GRID2: variants seen among roughly 807,000 people sequenced by gnomAD.
The protein encoded by GRID2 is glutamate receptor ionotropic, delta-2.
In GRID2, 33 loss-of-function variants were observed where a neutral mutation model predicts 114.8. The observed-to-expected ratio is 0.29, with a 90% CI of 0.22 to 0.38. The LOEUF is 0.38. Ranked by LOEUF, GRID2 falls within the 10% of genes least tolerant of loss-of-function variation. The pLI is 1.00. For missense variants in GRID2, 1,184 were observed against 1,257.7 expected, an observed-to-expected ratio of 0.94 and a Z score of 0.89; for synonymous variants, 505 against 449.9, an observed-to-expected ratio of 1.12 and a Z score of -1.55.
intron 12 of GRID2, among the ~76,000 whole-genome samples, chr4:93,508,012 G>A (rs1467747226): frequency 6.6e-6 from 1 of 151,870 alleles, no homozygotes; most frequent in Non-Finnish European, 1.5e-5. Flanking sequence ...CTGCTGTGGG[G>A]TGGGGGAATT....
chr4:93,681,957 G>T (rs1725595659), intron 14 of GRID2, among the ~76,000 whole-genome samples: 1 of 151,120 alleles, frequency 6.6e-6, no homozygotes, highest in Non-Finnish European at 1.5e-5. Flanking sequence ...AAGAGCTTCT[G>T]CACAGCAAAA....
At chr4:93,364,525 G>T (rs574019475) in intron 8 of GRID2, among the ~76,000 whole-genome samples, 1 of 152,172 alleles carries the variant, frequency 6.6e-6, no homozygotes, top group South Asian at 2.1e-4. Flanking sequence ...AGAGTAGAGT[G>T]CAGTGGTGTA....
At chr4:93,095,789 T>G (rs952893815) in intron 3 of GRID2, among the ~76,000 whole-genome samples, 2 of 152,050 alleles carry the variant, frequency 1.3e-5, no homozygotes, top group African/African-American at 4.8e-5. Context: ...GTTCATGATT[T>G]TCAAATTTTA....
At chr4:92,332,718 G>C (rs1423099031) in intron 1 of GRID2, among the ~76,000 whole-genome samples, 1 of 152,108 alleles carries the variant, frequency 6.6e-6, no homozygotes, top group African/African-American at 2.4e-5. Flanking sequence ...ATAGGCATAG[G>C]GTAGACATTT....
intron 14 of GRID2, among the ~76,000 whole-genome samples, chr4:93,651,152 A>G (rs1722546110): frequency 6.6e-6 from 1 of 152,158 alleles, no homozygotes; most frequent in Admixed American, 6.5e-5. Flanking sequence ...GCCAATTCAT[A>G]TTCCCTTCAG....
At chr4:92,859,405 CTTT>C (rs1371564286) in intron 2 of GRID2, among the ~76,000 whole-genome samples, 7 of 152,110 alleles carry the variant, frequency 4.6e-5, no homozygotes, top group Non-Finnish European at 1.0e-4. Context: ...ATGTAATTCA[CTTT>C]ATTGTAATAT....
intron 11 of GRID2, among the ~76,000 whole-genome samples, chr4:93,463,925 C>A (rs1724014043): frequency 6.6e-6 from 1 of 151,966 alleles, no homozygotes; most frequent in African/African-American, 2.4e-5. Context: ...GGAGGTGGAG[C>A]TTGCAGTGAG....
intron 13 of GRID2, among the ~76,000 whole-genome samples, chr4:93,599,614 A>C (rs982680197): frequency 9.2e-5 from 14 of 152,184 alleles, no homozygotes; most frequent in African/African-American, 3.4e-4. Context: ...TTATATACAC[A>C]CAGAAAAATG....
intron 13 of GRID2, among the ~76,000 whole-genome samples, chr4:93,590,316 T>C (rs1738080171): frequency 6.6e-6 from 1 of 150,582 alleles, no homozygotes; most frequent in Non-Finnish European, 1.5e-5. Context: ...TAGGGAATCC[T>C]TTCCCCATTT....
intron 2 of GRID2, among the ~76,000 whole-genome samples, chr4:93,009,756 T>C (rs541668874): frequency 6.6e-6 from 1 of 152,254 alleles, no homozygotes; most frequent in South Asian, 2.1e-4. Context: ...CAAGTATTTC[T>C]GGAAGATCAG....
At chr4:93,151,380 A>T (rs1056729951) in intron 4 of GRID2, among the ~76,000 whole-genome samples, 26 of 152,016 alleles carry the variant, frequency 1.7e-4, no homozygotes, top group African/African-American at 6.3e-4. Flanking sequence ...TTAACCTCAG[A>T]ATTGCACCTC....
intron 1 of GRID2, among the ~76,000 whole-genome samples, chr4:93,801,537 T>G (rs557170202): frequency 6.6e-6 from 1 of 152,234 alleles, no homozygotes; most frequent in East Asian, 1.9e-4. Flanking sequence ...ACAAATGGAT[T>G]TACTGATATT....
chr4:92,902,489 T>C (rs1274180186), intron 2 of GRID2, among the ~76,000 whole-genome samples: 2 of 152,082 alleles, frequency 1.3e-5, no homozygotes, highest in African/African-American at 4.8e-5. Flanking sequence ...ATGAAGACAC[T>C]TTTTAGTTTA....
intron 2 of GRID2, among the ~76,000 whole-genome samples, chr4:92,862,210 T>C (rs763736278): frequency 5.3e-5 from 8 of 152,136 alleles, no homozygotes; most frequent in Non-Finnish European, 1.2e-4. Flanking sequence ...AACAAAGCTA[T>C]CTGTAATTTT....
At chr4:93,014,668 A>T (rs1722506239) in intron 2 of GRID2, among the ~76,000 whole-genome samples, 1 of 152,168 alleles carries the variant, frequency 6.6e-6, no homozygotes, top group Admixed American at 6.6e-5. Context: ...GATTTCCATG[A>T]CAAATGGCTT....
chr4:93,245,591 A>G (rs934545185), intron 8 of GRID2, among the ~76,000 whole-genome samples: 1 of 152,186 alleles, frequency 6.6e-6, no homozygotes, highest in Non-Finnish European at 1.5e-5. Context: ...TACTTTTAAG[A>G]TTATTGTCTC....
chr4:92,506,650 C>T (rs954373759), intron 1 of GRID2, among the ~76,000 whole-genome samples: 2 of 151,840 alleles, frequency 1.3e-5, no homozygotes, highest in African/African-American at 4.8e-5. Flanking sequence ...CATGTATTCT[C>T]ACTGTATCCC....
intron 1 of GRID2, among the ~76,000 whole-genome samples, chr4:92,457,723 T>A (rs4482730): frequency 0.19 from 28,894 of 148,924 alleles, 2,930 homozygotes; most frequent in Middle Eastern, 0.25. Flanking sequence ...ACCTTTTTTT[T>A]AAAAATGTGG....
chr4:92,992,145 C>T (rs557001203), intron 2 of GRID2, among the ~76,000 whole-genome samples: 1 of 152,058 alleles, frequency 6.6e-6, no homozygotes, highest in Non-Finnish European at 1.5e-5. Context: ...CCTGTAAGAC[C>T]ATGTATCTTT....
Sources: gnomAD v4.1 joint callset for allele counts (sites outside exome capture counted in the v4.1 genomes callset) on GRCh38, gnomAD v4.1.1 for gene constraint, MANE v1.5 for transcripts, NCBI Gene and HGNC (gene_info 2026-07-23, HGNC 2026-07-21) for gene names.